Variants in NEB observed in about 807,000 individuals in gnomAD.
NEB encodes nemaline myopathy type 2.
Under a neutral mutation model 952.2 loss-of-function variants are expected in NEB, and 512 were observed. The ratio of observed to expected loss-of-function variants is 0.54; its 90% CI spans 0.50 to 0.58. The LOEUF (loss-of-function observed/expected upper bound fraction) is 0.58. Among genes scored for constraint, NEB ranks in the 20% least tolerant of loss-of-function variants. NEB has a pLI of 0.00. For synonymous variants in NEB, 2,900 were observed against 3,149.8 expected (o/e 0.92, Z 2.66); for missense variants, 8,428 against 9,231.1 (o/e 0.91, Z 3.56).
In NEB at chr2:151,669,013, G is replaced by A; in HGVS notation, c.4611+14C>T. 2 of 1,550,896 alleles carry A rather than the reference G, an allele frequency of 1.3e-6. No homozygotes were observed. Among genetic ancestry groups the A allele is most frequent in the Non-Finnish European group, 8.8e-7 (1 of 1,136,100 alleles). On this transcript the variant is annotated intron_variant, in intron 39 of 181. Coordinates refer to ENST00000397345, the MANE Select transcript of NEB (RefSeq NM_001164508.2). Reference sequence around the variant, plus strand: ...GCCCGCATACGCAATATTAGCACTGGGCCAAATACTCACATCACTCATGTT... The same window carrying A: ...GCCCGCATACGCAATATTAGCACTGAGCCAAATACTCACATCACTCATGTT...
At chr2:151,622,450 T>C (rs1410745932) in intron 71 of NEB, among the ~76,000 whole-genome samples, 1 of 152,232 alleles carries the variant, frequency 6.6e-6, no homozygotes. Context: ...AATGTATACT[T>C]TCCACCTTTT....
At position 151,659,161 on chromosome 2, in the gene NEB, G is replaced by C; in HGVS notation, c.5979C>G (p.Tyr1993Ter). 6.2e-7 allele frequency: 1 copy of C among 1,607,394 alleles called. No individual in the cohort carries two copies. Among genetic ancestry groups the C allele is most frequent in the Non-Finnish European group, 8.5e-7 (1 of 1,174,232 alleles). The change falls in exon 47 of 182, where the codon TAC becomes TAG. Residue 1993 changes from tyrosine (Y) to a stop codon, truncating the protein, a stop_gained. Transcript: ENST00000397345. LOFTEE classifies it high-confidence loss of function. ...TTTTGTCAGCCTCCCATGCTTGTTT[G>C]TAGAGATGCTAGGAAAAAAACAGTG... ...NNAKIMNEHL[Y>*]KQAWEADKTK...
intron 173 of NEB, among the ~76,000 whole-genome samples, chr2:151,494,795 T>G (rs1165360396): frequency 6.6e-6 from 1 of 152,142 alleles, no homozygotes; most frequent in Non-Finnish European, 1.5e-5. Context: ...ATTACAGGCG[T>G]GCACCACCAT....
At chr2:151,716,924 A>G (rs2099760750) in intron 10 of NEB, among the ~76,000 whole-genome samples, 1 of 152,222 alleles carries the variant, frequency 6.6e-6, no homozygotes, top group South Asian at 2.1e-4. Context: ...TTTACTGCCT[A>G]AATATAGGTA....
At chr2:151,669,927 T>C (rs2154187730) in intron 38 of NEB, among the ~76,000 whole-genome samples, 1 of 152,282 alleles carries the variant, frequency 6.6e-6, no homozygotes, top group South Asian at 2.1e-4. Flanking sequence ...GAGAGCAGAC[T>C]GGCTGAGAGA....
intron 114 of NEB, 40 bp downstream of exon 114, chr2:151,567,128 C>T (rs1356338429): frequency 6.7e-7 from 1 of 1,491,784 alleles, no homozygotes; most frequent in Non-Finnish European, 9.1e-7. Flanking sequence ...TCAGAGTGTA[C>T]CATGCGTTTC....
Position 151,692,047 on chromosome 2 carries a change from CT to C in NEB, c.2106+11del, listed in dbSNP as rs1064794944. On this transcript the variant is annotated intron_variant, in intron 22 of 181. Transcript: ENST00000397345. The stretch of plus-strand genomic sequence containing the variant: ...GTCACTGTGAGGCATGAACCATTGT[CT>C]TCAAACTTACATCACTGTTTTGAGC... The C allele has an allele frequency of 5.0e-6, 8 of 1,612,618 alleles. No homozygotes were observed. Among genetic ancestry groups the C allele is most frequent in the Non-Finnish European group, 6.8e-6 (8 of 1,178,792 alleles).
intron 13 of NEB, among the ~76,000 whole-genome samples, chr2:151,702,260 T>A (rs1459339147): frequency 6.6e-6 from 1 of 152,038 alleles, no homozygotes; most frequent in East Asian, 1.9e-4. Flanking sequence ...TTCTTTTACA[T>A]TTGCTGAGGA....
chr2:151,612,379 T>C lies in NEB; in HGVS notation c.11612A>G (p.Lys3871Arg), dbSNP rs761955993. ...AYDLQSDAIY[K>R]SDLEWLRGIG... ...GCCTCTCAGCCACTCAAGATCAGAT[T>C]TGTAAATAGCCTGAAAATGAAATAA... Residue 3871 changes from lysine (K) to arginine (R), a missense_variant, in exon 78 of 182, where the codon AAA (lysine) becomes AGA (arginine). Around this residue, in one of 11 missense-constraint regions of NEB, gnomAD observed 337 missense variants for 297.5 expected, o/e 1.13. Transcript: ENST00000397345. The C allele has an allele frequency of 8.7e-6, 14 of 1,613,460 alleles. No individual in the cohort carries two copies. The highest frequency in any genetic ancestry group is 6.7e-5 in the African/African-American group (5 of 74,906).
intron 150 of NEB, 27 bp from the exon 151 acceptor site, chr2:151,525,300 G>C (rs1370123312): frequency 1.3e-6 from 2 of 1,491,606 alleles, no homozygotes; most frequent in Non-Finnish European, 1.9e-6. Flanking sequence ...TTACTTTTAT[G>C]AGTAGAGGAA....
Position 151,697,636 on chromosome 2 carries a change from C to G in NEB, c.1165G>C (p.Glu389Gln). 6.2e-7 allele frequency: 1 copy of G among 1,604,954 alleles called. No individual in the cohort carries two copies. The highest frequency in any genetic ancestry group is 1.1e-5 in the South Asian group (1 of 88,734). Reference protein sequence around the residue: ...GDALSDKLYKENYEKTKAKSI... With the variant: ...GDALSDKLYKQNYEKTKAKSI... ...TTTGCTTTTGTCTTTTCATAGTTTT[C>G]CTTGTATAGTTTCTGTCAAAGAAAA... The change falls in exon 14 of 182, where the codon GAA becomes CAA. Residue 389 changes from glutamate (E) to glutamine (Q), a missense_variant. Glu to Gln is a conservative substitution (Grantham distance 29, BLOSUM62 2). This residue lies in a region of NEB where 2,851 missense variants were observed against 2,791.5 expected (regional missense o/e 1.02). Coordinates refer to ENST00000397345, the MANE Select transcript of NEB (RefSeq NM_001164508.2).
chr2:151,627,450 T>G lies in NEB; in HGVS notation c.10143+73A>C, dbSNP rs896213125. 1.9e-6 allele frequency: 3 copies of G among 1,566,086 alleles called. No individual in the cohort carries two copies. The African/African-American group carries it at 4.1e-5, about 21-fold the overall frequency. On this transcript the variant is annotated intron_variant, in intron 69 of 181. Coordinates refer to ENST00000397345, the MANE Select transcript of NEB (RefSeq NM_001164508.2). ...CATCCCTTCTGAAGGTTCTACCTAA[T>G]GCTAGACCACTGTCTCAGTATTTCT...
At chr2:151,533,615 C>T in intron 142 of NEB, 69 bp from the exon 143 acceptor site, 1 of 966,294 alleles carries the variant, frequency 1.0e-6, no homozygotes, top group Non-Finnish European at 1.6e-6. Flanking sequence ...GGCTCTATAT[C>T]CCAATCACCT....
rs117861109 is a variant in NEB, at chr2:151,485,774, C to T, written c.25564G>A (p.Val8522Ile). The stretch of plus-strand genomic sequence containing the variant: ...CTTTGAAATGCCTAAATAGCTTCAA[C>T]GTAGTTGGCTGGGAGCATTCCGGTC... ...GRTGMLPANY[V>I]EAI Residue 8522 changes from valine to isoleucine, a missense_variant, in exon 182 of 182, where the codon GTT becomes ATT. Val to Ile is a conservative substitution (Grantham distance 29). This residue lies in a region of NEB where 3,374 missense variants were observed against 3,651.5 expected (regional missense o/e 0.92). Coordinates refer to ENST00000397345, the MANE Select transcript of NEB (RefSeq NM_001164508.2). 1.5e-4 allele frequency: 242 copies of T among 1,610,634 alleles called. 1 individual carries two copies. In the East Asian group the frequency reaches 4.2e-3, roughly 28 times the overall value.
chr2:151,702,224 T>G (rs2099675278), intron 13 of NEB, among the ~76,000 whole-genome samples: 1 of 151,764 alleles, frequency 6.6e-6, no homozygotes, highest in African/African-American at 2.4e-5. Context: ...CACTGTGGTC[T>G]GAAAGATAGT....
rs2154073612 is a variant in NEB, at chr2:151,631,337, T to C, written c.9424A>G (p.Lys3142Glu). 1 of 1,613,300 alleles carries C rather than the reference T, an allele frequency of 6.2e-7. No individual in the cohort carries two copies. The highest frequency in any genetic ancestry group is 1.7e-5 in the Admixed American group (1 of 59,994). Residue 3142 changes from lysine (K) to glutamate (E), a missense_variant, in exon 66 of 182, where the codon AAG becomes GAG. By Grantham distance (56) the Lys-to-Glu change is moderately conservative (BLOSUM62 1). This residue lies in a region of NEB where 1,772 missense variants were observed against 1,960.3 expected (regional missense o/e 0.90). Coordinates refer to ENST00000397345, the MANE Select transcript of NEB (RefSeq NM_001164508.2). The stretch of plus-strand genomic sequence containing the variant: ...CCTCTCAGCCACTGGAGATCTGACT[T>C]GTAAATATTCTGAGCAGAGGAAAAA... Reference protein sequence around the residue: ...AYDLQSDNIYKSDLQWLRGIG... With the variant: ...AYDLQSDNIYESDLQWLRGIG...
At position 151,685,766 on chromosome 2, in the gene NEB, T is replaced by C. The variant is rs2099492796; in HGVS notation, c.2638-791A>G. On this transcript the variant is annotated intron_variant, in intron 27 of 181. Transcript: ENST00000397345. ...CATTGTATCCACTCACCAATTACTT[T>C]GACAGAAAAATGTTGACCCACTGCC... is the stretch of plus-strand genomic sequence containing the variant. Among the ~76,000 whole-genome samples the C allele has an allele frequency of 2.6e-5, 4 of 152,244 alleles. No homozygotes were observed. The South Asian group carries it at 8.3e-4, about 32-fold the overall frequency.
At chr2:151,698,125 G>A (rs921828137) in intron 13 of NEB, among the ~76,000 whole-genome samples, 6 of 152,040 alleles carry the variant, frequency 3.9e-5, no homozygotes, top group Non-Finnish European at 8.8e-5. Flanking sequence ...AATCGAACAC[G>A]GAATGTCATG....
chr2:151,714,265 C>T (rs2150207746), intron 10 of NEB, among the ~76,000 whole-genome samples: 1 of 152,168 alleles, frequency 6.6e-6, no homozygotes, highest in East Asian at 1.9e-4. Flanking sequence ...GGAGGGAAGA[C>T]TAAAGTCTGT....
Sources: allele counts gnomAD v4.1 joint callset (sites outside exome capture counted in the v4.1 genomes callset), GRCh38; gene constraint gnomAD v4.1.1; regional missense constraint gnomAD v4.1.1; transcripts MANE v1.5; gene names NCBI Gene and HGNC (gene_info 2026-07-23, HGNC 2026-07-21).